Variants in IL15 observed in about 807,000 individuals in gnomAD.
IL15 encodes interleukin 15, also known as interleukin-15.
A neutral mutation model predicts 19.6 loss-of-function variants in IL15; 11 were observed. That is an observed-to-expected ratio of 0.56 (90% CI 0.35 to 0.93). The LOEUF (loss-of-function observed/expected upper bound fraction) is 0.93, where lower values mean the gene tolerates loss of function less well. IL15 is among the 40% of genes least tolerant of loss of function. IL15 has a pLI of 0.01. For synonymous variants in IL15, 58 were observed against 59.6 expected, an observed-to-expected ratio of 0.97 and a Z score of 0.12; for missense variants, 197 against 186.5, an observed-to-expected ratio of 1.06 and a Z score of -0.33.
chr4:141,691,667 C>G lies in IL15; in HGVS notation c.-99-27699C>G, dbSNP rs147975955. ...TTAACTCTTAAAGCTCCAAAATGATCTCCTTTGACTCCATGTCTCATATCC... is the reference window on the plus strand; with the variant it reads ...TTAACTCTTAAAGCTCCAAAATGATGTCCTTTGACTCCATGTCTCATATCC... On this transcript the variant is annotated intron_variant, in intron 2 of 7. Coordinates refer to ENST00000320650, the MANE Select transcript of IL15 (RefSeq NM_000585.5). 6.7e-3 allele frequency among the ~76,000 whole-genome samples: 1,014 copies of G among 152,276 alleles called. 13 individuals carry two copies. Among genetic ancestry groups the G allele is most frequent in the African/African-American group, 0.023 (950 of 41,556 alleles).
chr4:141,665,965 A>G (rs1727957019), intron 2 of IL15, among the ~76,000 whole-genome samples: 1 of 152,114 alleles, frequency 6.6e-6, no homozygotes, highest in Non-Finnish European at 1.5e-5. Flanking sequence ...CAGCTTCCAA[A>G]CAGCTTTTAA....
intron 2 of IL15, among the ~76,000 whole-genome samples, chr4:141,666,801 A>G (rs558975648): frequency 5.9e-5 from 9 of 152,308 alleles, no homozygotes; most frequent in African/African-American, 2.2e-4. Flanking sequence ...CCATTTCTGA[A>G]GGGGTCCTGC....
chr4:141,699,141 G>A (rs1729197854), intron 2 of IL15, among the ~76,000 whole-genome samples: 1 of 151,992 alleles, frequency 6.6e-6, no homozygotes, highest in Non-Finnish European at 1.5e-5. Flanking sequence ...AAGTCCTGAG[G>A]GTTCCTTTTG....
chr4:141,663,400 A>G (rs1256408722), intron 2 of IL15, among the ~76,000 whole-genome samples: 1 of 152,246 alleles, frequency 6.6e-6, no homozygotes, highest in Admixed American at 6.5e-5. Flanking sequence ...TTATTTGATC[A>G]TAGTTTTATG....
At chr4:141,688,331 G>A (rs1728776215) in intron 2 of IL15, among the ~76,000 whole-genome samples, 1 of 152,134 alleles carries the variant, frequency 6.6e-6, no homozygotes, top group East Asian at 1.9e-4. Flanking sequence ...ACTACCTGAA[G>A]CATTTTCAAA....
intron 2 of IL15, among the ~76,000 whole-genome samples, chr4:141,707,647 C>T (rs1729565807): frequency 6.6e-6 from 1 of 152,132 alleles, no homozygotes; most frequent in Admixed American, 6.5e-5. Context: ...TGTGCAGTTT[C>T]TTTGGCTGTA....
intron 2 of IL15, among the ~76,000 whole-genome samples, chr4:141,694,824 A>G (rs1040199196): frequency 6.6e-6 from 1 of 152,344 alleles, no homozygotes; most frequent in South Asian, 2.1e-4. Context: ...TGGTACTTCC[A>G]TGGTTTCACC....
chr4:141,641,779 A>G (rs1392358295), intron 1 of IL15, among the ~76,000 whole-genome samples: 6 of 151,134 alleles, frequency 4.0e-5, no homozygotes. Context: ...AACATGGCGC[A>G]TGTATACATA....
chr4:141,672,766 G>A (rs1049389259), intron 2 of IL15, among the ~76,000 whole-genome samples: 5 of 152,194 alleles, frequency 3.3e-5, no homozygotes, highest in Admixed American at 6.5e-5. Flanking sequence ...TATGTTGATC[G>A]TAGACTCTAG....
intron 2 of IL15, among the ~76,000 whole-genome samples, chr4:141,708,158 G>A (rs571369106): frequency 6.6e-6 from 1 of 152,174 alleles, no homozygotes; most frequent in Non-Finnish European, 1.5e-5. Context: ...GGTATGTGTT[G>A]GTAACATGGC....
At chr4:141,711,051 A>G (rs1445474300) in intron 2 of IL15, among the ~76,000 whole-genome samples, 3 of 152,156 alleles carry the variant, frequency 2.0e-5, no homozygotes, top group Admixed American at 6.5e-5. Context: ...ATAATTTTTT[A>G]TAATTACAAA....
chr4:141,656,724 A>T (rs1391325113), intron 2 of IL15, among the ~76,000 whole-genome samples: 1 of 152,190 alleles, frequency 6.6e-6, no homozygotes, highest in Non-Finnish European at 1.5e-5. Context: ...TAGGCATATA[A>T]AATGACAGAA....
chr4:141,722,341 A>G (rs1411235177), intron 5 of IL15, among the ~76,000 whole-genome samples: 3 of 152,110 alleles, frequency 2.0e-5, no homozygotes, highest in Admixed American at 6.6e-5. Context: ...CTTGTGGACT[A>G]AAGGCCCTCT....
At chr4:141,722,606 T>C (rs1730127603) in intron 5 of IL15, among the ~76,000 whole-genome samples, 1 of 152,076 alleles carries the variant, frequency 6.6e-6, no homozygotes, top group Non-Finnish European at 1.5e-5. Flanking sequence ...ATAATAGACA[T>C]GAAGCCAAGA....
chr4:141,641,596 A>G (rs1443676708), intron 1 of IL15, among the ~76,000 whole-genome samples: 3 of 151,266 alleles, frequency 2.0e-5, no homozygotes, highest in Admixed American at 6.6e-5. Context: ...CAAGGACAAA[A>G]AACCAAACAC....
chr4:141,646,420 C>T (rs1727226517), intron 1 of IL15, among the ~76,000 whole-genome samples: 1 of 152,020 alleles, frequency 6.6e-6, no homozygotes, highest in Non-Finnish European at 1.5e-5. Flanking sequence ...GTTCCTTCTT[C>T]CTAGAATGCT....
At position 141,644,046 on chromosome 4, in the gene IL15, C is replaced by T. The variant is rs1727140747; in HGVS notation, c.-222+7298C>T. On this transcript the variant is annotated intron_variant, in intron 1 of 7. Coordinates refer to ENST00000320650, the MANE Select transcript of IL15 (RefSeq NM_000585.5). ...TAACGTCTCTTTATGTCATATTCCACGTTGAATCTGCCACCAAATTATTTA... is the reference window on the plus strand; with the variant it reads ...TAACGTCTCTTTATGTCATATTCCATGTTGAATCTGCCACCAAATTATTTA... Among the ~76,000 whole-genome samples the T allele has an allele frequency of 3.3e-5, 5 of 152,028 alleles. 1 individual carries two copies. In the South Asian group the frequency reaches 8.3e-4, roughly 25 times the overall value.
chr4:141,677,286 G>A (rs1377224904), intron 2 of IL15, among the ~76,000 whole-genome samples: 2 of 152,010 alleles, frequency 1.3e-5, no homozygotes, highest in Admixed American at 1.3e-4. Context: ...TGAGGATGAA[G>A]ACCTTTATGA....
chr4:141,666,761 G>A (rs1728000815), intron 2 of IL15, among the ~76,000 whole-genome samples: 1 of 151,944 alleles, frequency 6.6e-6, no homozygotes, highest in Non-Finnish European at 1.5e-5. Context: ...TGGCCGTGAA[G>A]AAATTGTCTG....
Sources: gnomAD v4.1 joint callset for allele counts (sites outside exome capture counted in the v4.1 genomes callset) on GRCh38, gnomAD v4.1.1 for gene constraint, MANE v1.5 for transcripts, NCBI Gene and HGNC (gene_info 2026-07-23, HGNC 2026-07-21) for gene names.